The following DUOX2 variants were observed in gnomAD, a reference collection of about 807,000 sequenced individuals.
DUOX2 encodes the protein NADH/NADPH thyroid oxidase p138-tox.
DUOX2 carries 185 observed loss-of-function variants against 183.3 expected under a neutral mutation model. The ratio of observed to expected loss-of-function variants is 1.01; its 90% CI spans 0.90 to 1.14. DUOX2 has a LOEUF of 1.14. DUOX2 is among the 50% of genes most tolerant of loss of function. The pLI is 0.00. For missense variants in DUOX2, 1,999 were observed against 2,022.9 expected (o/e 0.99, Z 0.23); for synonymous variants, 788 against 812.4 (o/e 0.97, Z 0.51).
At chr15:45,108,465 C>T in intron 12 of DUOX2, 1 of 604,184 alleles carries the variant, frequency 1.7e-6, no homozygotes, top group Non-Finnish European at 2.9e-6. Context: ...ACCAGCCTGC[C>T]TGACCTCAAT....
chr15:45,112,673 A>T lies in DUOX2; in HGVS notation c.206T>A (p.Val69Glu). Residue 69 changes from valine (V) to glutamate (E), a missense_variant, in exon 4 of 34, where the codon GTG (valine) becomes GAG (glutamate). Coordinates refer to ENST00000389039, the MANE Select transcript of DUOX2 (RefSeq NM_001363711.2). The part of the protein sequence containing the change: ...RRVPANYADG[V>E]YQALEEPQLP... ...CTGCGGCTCCTCCAGAGCCTGATACACACCGTCGGCGTAATTGGCTGGTAC... is the reference window on the plus strand; with the variant it reads ...CTGCGGCTCCTCCAGAGCCTGATACTCACCGTCGGCGTAATTGGCTGGTAC... 6.2e-7 allele frequency: 1 copy of T among 1,612,718 alleles called. No individual in the cohort carries two copies.
Position 45,095,985 on chromosome 15 carries a change from A to G in DUOX2, c.3923T>C (p.Leu1308Pro), listed in dbSNP as rs756258652. 29 of 1,613,546 alleles carry G rather than the reference A, an allele frequency of 1.8e-5. No individual in the cohort carries two copies. The highest frequency in any genetic ancestry group is 2.1e-5 in the Non-Finnish European group (25 of 1,179,880). ...GTGGTACTCGGTGGTCCCCAGAGCC[A>G]GGCAGGCGATCCGCACCCACTGTCC... ...KSGQWVRIACLALGTTEYHPF... is the reference protein window; with the variant it reads ...KSGQWVRIACPALGTTEYHPF... The change falls in exon 30 of 34, where the codon CTG (leucine) becomes CCG (proline). Residue 1308 changes from leucine to proline, a missense_variant. Leu to Pro is a moderately conservative substitution (Grantham distance 98, BLOSUM62 -3). This residue lies in a region of DUOX2 where 1,628 missense variants were observed against 1,608.6 expected (regional missense o/e 1.01). Transcript: ENST00000389039.
chr15:45,102,034 C>A, intron 20 of DUOX2, 45 bp from the exon 21 acceptor site: 1 of 1,609,498 alleles, frequency 6.2e-7, no homozygotes, highest in South Asian at 1.1e-5. Flanking sequence ...CCAGCAAGGT[C>A]AGGCTTGGGT....
chr15:45,105,629 A>G lies in DUOX2; in HGVS notation c.2334+14T>C. 2 of 1,614,152 alleles carry G rather than the reference A, an allele frequency of 1.2e-6. No individual in the cohort carries two copies. The highest frequency in any genetic ancestry group is 1.7e-6 in the Non-Finnish European group (2 of 1,180,022). On this transcript the variant is annotated intron_variant, in intron 18 of 33. Transcript: ENST00000389039. Reference sequence around the variant, plus strand: ...GGGGCTGGACCCATCTCCAAAAGGCACAGGTCATGGCACCTGAGCAAAAAG... The same window carrying G: ...GGGGCTGGACCCATCTCCAAAAGGCGCAGGTCATGGCACCTGAGCAAAAAG...
In DUOX2 at chr15:45,106,527, C is replaced by G; in HGVS notation, c.1945+1G>C. ...CCCTCCTCTGCCCAGCCCCTGCTCA[C>G]CTGGCACTCCATCTTTGGCTGCTTC... On this transcript the variant is annotated splice_donor_variant, in intron 16 of 33. Coordinates refer to ENST00000389039, the MANE Select transcript of DUOX2 (RefSeq NM_001363711.2). LOFTEE classifies it high-confidence loss of function. 1.2e-6 allele frequency: 2 copies of G among 1,614,134 alleles called. No individual in the cohort carries two copies. Among genetic ancestry groups the G allele is most frequent in the Non-Finnish European group, 1.7e-6 (2 of 1,179,986 alleles).
At chr15:45,109,739 T>C (rs1369240558) in intron 10 of DUOX2, 113 bp from the exon 11 acceptor site, 27 of 1,331,658 alleles carry the variant, frequency 2.0e-5, no homozygotes, top group Non-Finnish European at 2.9e-5. Context: ...CCAGACTCTC[T>C]TGAACTGTTG....
intron 26 of DUOX2, chr15:45,099,073 C>T (rs1893983528): frequency 3.0e-6 from 1 of 331,964 alleles, no homozygotes; most frequent in South Asian, 2.8e-5. Flanking sequence ...TGCAGTGGCG[C>T]TATCCCGGCT....
Position 45,113,030 on chromosome 15 carries a change from G to A in DUOX2, c.117C>T (p.Asp39=). 4.3e-6 allele frequency: 7 copies of A among 1,614,000 alleles called. No individual in the cohort carries two copies. The highest frequency in any genetic ancestry group is 2.7e-5 in the African/African-American group (2 of 75,054). The change falls in exon 3 of 34, where the codon GAC becomes GAT. Residue 39 remains aspartate (D), a synonymous_variant. Coordinates refer to ENST00000389039, the MANE Select transcript of DUOX2 (RefSeq NM_001363711.2). ...LSLPWEVQRY[D]GWFNNLRHHE... ...GGTGCCTCAGGTTGTTAAACCAGCC[G>A]TCATAGCGCTGCACTTCCCAGGGCA...
Position 45,097,369 on chromosome 15 carries a change from G to A in DUOX2, c.3716C>T (p.Ala1239Val), listed in dbSNP as rs761011266. 21 of 1,614,142 alleles carry A rather than the reference G, an allele frequency of 1.3e-5. No individual in the cohort carries two copies. The highest frequency in any genetic ancestry group is 9.3e-6 in the Non-Finnish European group (11 of 1,180,056). Reference protein sequence around the residue: ...YALLIIHGSYALIQLPTFHIY... With the variant: ...YALLIIHGSYVLIQLPTFHIY... The stretch of plus-strand genomic sequence containing the variant: ...GTGGAAAGTGGGCAGCTGGATCAGA[G>A]CATAGCTGCCATGGATGATGAGCTG... Residue 1239 changes from alanine (A) to valine (V), a missense_variant, in exon 29 of 34, where the codon GCT becomes GTT. This residue lies in a region of DUOX2 where 1,628 missense variants were observed against 1,608.6 expected (regional missense o/e 1.01). Coordinates refer to ENST00000389039, the MANE Select transcript of DUOX2 (RefSeq NM_001363711.2).
Position 45,100,087 on chromosome 15 carries a change from C to G in DUOX2, c.3147G>C (p.Ser1049=). 5 of 1,614,212 alleles carry G rather than the reference C, an allele frequency of 3.1e-6. No homozygotes were observed. The highest frequency in any genetic ancestry group is 3.4e-6 in the Non-Finnish European group (4 of 1,180,038). The change falls in exon 24 of 34, where the codon TCG becomes TCC. Residue 1049 remains serine (S), a synonymous_variant. Transcript: ENST00000389039. ...RRHIVCVAIF[S]AICVGVFADR... ...CTGCAAACACGCCAACACAGATGGCCGAGAAGATTGCCACACACACGATGT... is the reference window on the plus strand; with the variant it reads ...CTGCAAACACGCCAACACAGATGGCGGAGAAGATTGCCACACACACGATGT...
At position 45,099,659 on chromosome 15, in the gene DUOX2, T is replaced by C; in HGVS notation, c.3415+3A>G. ...AAGAGGAAGAAGCCTGGGAGTCACG[T>C]ACTGGCCAGGACAACAGCAGCCATG... On this transcript the variant is annotated splice_donor_region_variant and intron_variant, in intron 25 of 33. Transcript: ENST00000389039. 2 of 1,614,074 alleles carry C rather than the reference T, an allele frequency of 1.2e-6. 1 individual carries two copies. Among genetic ancestry groups the C allele is most frequent in the African/African-American group, 2.7e-5 (2 of 74,998 alleles).
rs1894003330 is a variant in DUOX2, at chr15:45,099,440, GAGA to G, written c.3455_3457del (p.Phe1152del). 1.2e-6 allele frequency: 2 copies of G among 1,614,160 alleles called. No homozygotes were observed. Among genetic ancestry groups the G allele is most frequent in the South Asian group, 1.1e-5 (1 of 91,084 alleles). On this transcript the variant is annotated inframe_deletion, in exon 26 of 34. Coordinates refer to ENST00000389039, the MANE Select transcript of DUOX2 (RefSeq NM_001363711.2). ...GGCCAGCAGGCTGAGTGGGCTGACT[GAGA>G]AGATGTAGACATTGACTGCGTGGCC...
Position 45,112,588 on chromosome 15 carries a change from C to G in DUOX2, c.291G>C (p.Ser97=), listed in dbSNP as rs1446322119. 3 of 1,612,942 alleles carry G rather than the reference C, an allele frequency of 1.9e-6. No homozygotes were observed. Among genetic ancestry groups the G allele is most frequent in the African/African-American group, 1.3e-5 (1 of 74,892 alleles). ...CCCCCAGTACGGTGCGGTTGTGGAG[C>G]GACGGCAGGCCGGCTATGCCCCGCG... The part of the protein sequence containing the change: ...AATRGIAGLP[S]LHNRTVLGVF... The change falls in exon 4 of 34, where the codon TCG becomes TCC. Residue 97 remains serine (S), a synonymous_variant. Coordinates refer to ENST00000389039, the MANE Select transcript of DUOX2 (RefSeq NM_001363711.2).
intron 5 of DUOX2, 61 bp downstream of exon 5, chr15:45,111,707 C>T: frequency 6.8e-7 from 1 of 1,471,464 alleles, no homozygotes; most frequent in Non-Finnish European, 9.0e-7. Context: ...CCTGCCAGGC[C>T]CGAAGCCCAG....
chr15:45,107,262 A>G (rs1162518045), intron 14 of DUOX2, 83 bp downstream of exon 14: 2 of 1,546,122 alleles, frequency 1.3e-6, no homozygotes, highest in Non-Finnish European at 1.8e-6. Context: ...CTCCCTGGAC[A>G]GCACCAAGTG....
In DUOX2 at chr15:45,108,820, C is replaced by T; in HGVS notation, c.1367G>A (p.Trp456Ter). 3.1e-6 allele frequency: 5 copies of T among 1,614,216 alleles called. No homozygotes were observed. The highest frequency in any genetic ancestry group is 4.2e-6 in the Non-Finnish European group (5 of 1,180,042). ...GTCCACATTAGGGTTGAGATCACTC[C>T]AGTTCCTTGGGATGTCCAGCCCAAA... ...LAFGLDIPRNWSDLNPNVDPQ... is the reference protein window; with the variant it reads ...LAFGLDIPRN Residue 456 changes from tryptophan (W) to a stop codon, truncating the protein, a stop_gained, in exon 12 of 34, where the codon TGG becomes TAG. Coordinates refer to ENST00000389039, the MANE Select transcript of DUOX2 (RefSeq NM_001363711.2). LOFTEE classifies it high-confidence loss of function.
Position 45,107,478 on chromosome 15 carries a change from G to A in DUOX2, c.1575-15C>T. ...TGGAGAACAGCCTAAGTTGGAGGAA[G>A]TAGAAGTCACTGGGATGGGAAGGGG... On this transcript the variant is annotated splice_polypyrimidine_tract_variant and intron_variant, in intron 13 of 33. Transcript: ENST00000389039. 1 of 1,613,522 alleles carries A rather than the reference G, an allele frequency of 6.2e-7. No homozygotes were observed. The highest frequency in any genetic ancestry group is 8.5e-7 in the Non-Finnish European group (1 of 1,179,516).
chr15:45,097,564 TC>T, intron 28 of DUOX2, 49 bp downstream of exon 28: 1 of 1,614,028 alleles, frequency 6.2e-7, no homozygotes, highest in Non-Finnish European at 8.5e-7. Flanking sequence ...CACCTTCCTG[TC>T]CCATCCTGAG....
chr15:45,106,282 A>G lies in DUOX2; in HGVS notation c.1991T>C (p.Ile664Thr). The change falls in exon 17 of 34, where the codon ATC becomes ACC. Residue 664 changes from isoleucine to threonine, a missense_variant. Physicochemically the swap from Ile to Thr is moderately conservative, Grantham distance 89. This residue lies in a region of DUOX2 where 1,628 missense variants were observed against 1,608.6 expected (regional missense o/e 1.01). Transcript: ENST00000389039. ...GPKERSSPII[I>T]QLLSDRCLQV... ...CAGACACCTGTCTGACAGCAGCTGG[A>G]TGATGATGGGACTGCTCCTCTCCTT... is the stretch of plus-strand genomic sequence containing the variant. 6.2e-7 allele frequency: 1 copy of G among 1,614,116 alleles called. No individual in the cohort carries two copies. Among genetic ancestry groups the G allele is most frequent in the Non-Finnish European group, 8.5e-7 (1 of 1,180,026 alleles).
Sources: gnomAD v4.1 joint callset for allele counts on GRCh38, gnomAD v4.1.1 for gene constraint, gnomAD v4.1.1 regional missense constraint, MANE v1.5 for transcripts, NCBI Gene and HGNC (gene_info 2026-07-23, HGNC 2026-07-21) for gene names.